GCNT1: variants seen among roughly 807,000 people sequenced by gnomAD.
GCNT1 encodes glucosaminyl (N-acetyl) transferase 1.
In GCNT1, 16 loss-of-function variants were observed where a neutral mutation model predicts 26.2. The observed-to-expected ratio is 0.61, with a 90% confidence interval of 0.41 to 0.93. The LOEUF (loss-of-function observed/expected upper bound fraction) is 0.93, where lower values mean the gene tolerates loss of function less well. Among genes scored for constraint, GCNT1 ranks in the 40% least tolerant of loss-of-function variants. The pLI, the probability that GCNT1 is intolerant of heterozygous loss-of-function variation, is 0.00. For synonymous variants in GCNT1, 183 were observed against 190.8 expected (o/e 0.96, Z 0.34); for missense variants, 477 against 526.7 (o/e 0.91, Z 0.92).
chr9:76,448,430 T>A (rs996517430), intron 1 of GCNT1, among the ~76,000 whole-genome samples: 14 of 151,988 alleles, frequency 9.2e-5, no homozygotes, highest in Admixed American at 5.9e-4. Flanking sequence ...CCAGCCTGGG[T>A]TGCAGAGTAC....
chr9:76,441,987 A>G (rs1823490423), exon 1 of GCNT1: 2 of 152,360 alleles, frequency 1.3e-5, no homozygotes, highest in South Asian at 4.1e-4. Context: ...CTCACTTGTG[A>G]TACGGATCAA....
intron 1 of GCNT1, among the ~76,000 whole-genome samples, chr9:76,436,628 T>C (rs1284654027): frequency 8.0e-6 from 1 of 125,310 alleles, no homozygotes; most frequent in African/African-American, 3.0e-5. Flanking sequence ...AAAGGCACAA[T>C]AGCATATTAA....
At chr9:76,458,384 A>G (rs547889164), upstream of GCNT1, among the ~76,000 whole-genome samples, 22 of 151,990 alleles carry the variant, frequency 1.4e-4, no homozygotes, top group African/African-American at 4.8e-4. Context: ...CGGTTTCACC[A>G]TGTTAGCCAG....
the GCNT1 span, among the ~76,000 whole-genome samples, chr9:76,397,092 G>C: frequency 2.5e-4 from 38 of 152,314 alleles, no homozygotes; most frequent in Middle Eastern, 3.4e-3. Flanking sequence ...TACCAGCCTG[G>C]ACAACATGGC....
chr9:76,446,032 T>A (rs924814157), intron 1 of GCNT1, among the ~76,000 whole-genome samples: 1 of 152,142 alleles, frequency 6.6e-6, no homozygotes, highest in Non-Finnish European at 1.5e-5. Context: ...TAATTTGCTC[T>A]GTTGGTGAGT....
chr9:76,465,027 G>A (rs79692898), intron 2 of GCNT1, among the ~76,000 whole-genome samples: 17,591 of 152,064 alleles, frequency 0.12, 1,128 homozygotes, highest in Middle Eastern at 0.21. Context: ...GGGCTGGAGT[G>A]CAGTGGCTAT....
chr9:76,443,894 A>AAAGAAAGAAAGAAAGAAAGG, intron 1 of GCNT1, among the ~76,000 whole-genome samples: 1 of 127,410 alleles, frequency 7.8e-6, no homozygotes, highest in Admixed American at 8.2e-5. Context: ...AGAAAGAAAG[A>AAAGAAAGAAAGAAAGAAAGG]AAGAAAGGAA....
chr9:76,434,112 CT>C (rs1485456743), intron 1 of GCNT1, among the ~76,000 whole-genome samples: 1 of 152,176 alleles, frequency 6.6e-6, no homozygotes, highest in Non-Finnish European at 1.5e-5. Flanking sequence ...ATTTCAACAG[CT>C]TTTACATTTT....
intron 2 of GCNT1, among the ~76,000 whole-genome samples, chr9:76,463,275 T>TAA (rs143854775): frequency 2.0e-5 from 3 of 152,058 alleles, no homozygotes; most frequent in African/African-American, 7.2e-5. Context: ...GGCCCCTTGT[T>TAA]AAAAAAATTA....
intron 2 of GCNT1, among the ~76,000 whole-genome samples, chr9:76,497,418 C>T (rs1824937547): frequency 6.6e-6 from 1 of 152,058 alleles, no homozygotes; most frequent in Non-Finnish European, 1.5e-5. Flanking sequence ...ATTACAATTC[C>T]TTCGAATGAT....
At chr9:76,451,589 A>T (rs1401320934) in intron 1 of GCNT1, among the ~76,000 whole-genome samples, 1 of 152,206 alleles carries the variant, frequency 6.6e-6, no homozygotes, top group Non-Finnish European at 1.5e-5. Context: ...TTAAAAAGAT[A>T]AATGTTAATT....
chr9:76,439,223 CT>C (rs71499153), upstream of GCNT1, among the ~76,000 whole-genome samples: 852 of 120,088 alleles, frequency 7.1e-3, no homozygotes, highest in South Asian at 0.025. Context: ...TTTTCTTTTT[CT>C]TTTTTTTTTT....
Position 76,503,373 on chromosome 9 carries a change from A to G in GCNT1, c.992A>G (p.Glu331Gly). The change falls in exon 4 of 4, where the codon GAA (glutamate) becomes GGA (glycine). Residue 331 changes from glutamate to glycine, a missense_variant. By Grantham distance (98) the Glu-to-Gly change is moderately conservative. Transcript: ENST00000376730. The part of the protein sequence containing the change: ...YLWATIQRIP[E>G]VPGSLPASHK... ...TGGGCCACCATCCAAAGGATTCCTG[A>G]AGTCCCGGGCTCACTCCCTGCCAGC... 6.2e-7 allele frequency: 1 copy of G among 1,614,160 alleles called. No homozygotes were observed. The highest frequency in any genetic ancestry group is 8.5e-7 in the Non-Finnish European group (1 of 1,180,022).
chr9:76,477,207 G>T, intron 2 of GCNT1, among the ~76,000 whole-genome samples: 1 of 151,022 alleles, frequency 6.6e-6, no homozygotes, highest in Non-Finnish European at 1.5e-5. Context: ...GAGCCACTGC[G>T]CCCAGCCTCT....
At chr9:76,456,339 T>A (rs1272543736), upstream of GCNT1, among the ~76,000 whole-genome samples, 1 of 152,188 alleles carries the variant, frequency 6.6e-6, no homozygotes, top group African/African-American at 2.4e-5. Context: ...CCAGCCTCAA[T>A]ATTTACCTTC....
intron 2 of GCNT1, among the ~76,000 whole-genome samples, chr9:76,484,935 C>T (rs1283188639): frequency 1.3e-5 from 2 of 151,858 alleles, no homozygotes; most frequent in Admixed American, 6.6e-5. Flanking sequence ...ACTACAGACT[C>T]GTGCCACCAC....
chr9:76,396,954 T>G, the GCNT1 span, among the ~76,000 whole-genome samples: 2 of 151,572 alleles, frequency 1.3e-5, no homozygotes, highest in Admixed American at 1.3e-4. Flanking sequence ...ACCACTGCAC[T>G]CCAGCCTAAT....
intron 2 of GCNT1, among the ~76,000 whole-genome samples, chr9:76,476,248 G>GA (rs1244526395): frequency 6.6e-6 from 1 of 152,102 alleles, no homozygotes; most frequent in Non-Finnish European, 1.5e-5. Context: ...GGACCGTTCA[G>GA]AAAACCCAAG....
chr9:76,497,298 T>C (rs542319723), intron 2 of GCNT1, among the ~76,000 whole-genome samples: 28 of 152,360 alleles, frequency 1.8e-4, no homozygotes, highest in Admixed American at 1.4e-3. Context: ...AAACTTCTTT[T>C]CTTCTTGGAA....
Sources: allele counts gnomAD v4.1 joint callset (sites outside exome capture counted in the v4.1 genomes callset), GRCh38; gene constraint gnomAD v4.1.1; transcripts MANE v1.5; gene names NCBI Gene and HGNC (gene_info 2026-07-23, HGNC 2026-07-21).